Variants in TASOR2 observed in about 807,000 individuals in gnomAD.
TASOR2 encodes the protein protein TASOR 2.
TASOR2 carries 84 observed loss-of-function variants against 199.5 expected under a neutral mutation model. That is an observed-to-expected ratio of 0.42 (90% confidence interval 0.35 to 0.50). TASOR2 has a LOEUF of 0.50. TASOR2 is among the 20% of genes least tolerant of loss of function. TASOR2 has a pLI of 0.02. For missense variants in TASOR2, 2,796 were observed against 2,835.9 expected (o/e 0.99, Z 0.32); for synonymous variants, 1,103 against 1,046.6 (o/e 1.05, Z -1.04).
chr10:5,725,441 C>T (rs888466839), intron 8 of TASOR2, among the ~76,000 whole-genome samples: 1 of 139,748 alleles, frequency 7.2e-6, no homozygotes, highest in Non-Finnish European at 1.5e-5. Context: ...ACATACTGGG[C>T]AGGAGGGGCA....
exon 15 of TASOR2, chr10:5,749,866 C>T: frequency 6.2e-7 from 1 of 1,614,180 alleles, no homozygotes; most frequent in Non-Finnish European, 8.5e-7. Flanking sequence ...AGAGATGTAT[C>T]TGCCTTTCCC....
At position 5,722,275 on chromosome 10, in the gene TASOR2, C is replaced by T. The variant is rs569554240; in HGVS notation, c.146+1305C>T. Among the ~76,000 whole-genome samples, 15 of 151,820 alleles carry T rather than the reference C, an allele frequency of 9.9e-5. No individual in the cohort carries two copies. The South Asian group carries it at 2.9e-3, about 29-fold the overall frequency. On this transcript the variant is annotated intron_variant, in intron 6 of 20. Transcript: ENST00000328090. The surrounding 1 kb of genome is among the most constrained non-coding windows in gnomAD (Gnocchi z 4.0). ...TTTGAGACCAACCTGGGCAACATGG[C>T]GAAACCCTCTCCCTAATAAAAATAC... is the stretch of plus-strand genomic sequence containing the variant.
chr10:5,750,503 T>A lies in TASOR2; in HGVS notation c.6606+476T>A, dbSNP rs1837884886. The stretch of plus-strand genomic sequence containing the variant: ...TTAAGTAATGGAACCATGGTGAAAT[T>A]CTGGCATGGGCGGAGCCTGTCTTGA... On this transcript the variant is annotated intron_variant, in intron 15 of 20. Coordinates refer to ENST00000328090, the Ensembl canonical transcript of TASOR2. The surrounding 1 kb of genome is among the most constrained non-coding windows in gnomAD (Gnocchi z 5.4). Among the ~76,000 whole-genome samples, 1 of 152,232 alleles carries A rather than the reference T, an allele frequency of 6.6e-6. No individual in the cohort carries two copies. Among genetic ancestry groups the A allele is most frequent in the South Asian group, 2.1e-4 (1 of 4,828 alleles).
At chr10:5,747,423 C>T (rs997544469) in exon 15 of TASOR2, 1 of 1,614,134 alleles carries the variant, frequency 6.2e-7, no homozygotes. Context: ...TCACAGAAAG[C>T]AGAGAAGTGA....
At chr10:5,746,145 T>G in intron 14 of TASOR2, 34 bp from the exon 16 acceptor site, 1 of 1,296,754 alleles carries the variant, frequency 7.7e-7, no homozygotes, top group East Asian at 2.5e-5. Context: ...TTTATATGAC[T>G]GATTTTTTTT....
exon 15 of TASOR2, chr10:5,749,796 C>T: frequency 3.1e-6 from 5 of 1,614,048 alleles, no homozygotes; most frequent in Non-Finnish European, 4.2e-6. Context: ...TGAAGAATAG[C>T]AACCAATTCA....
In TASOR2 at chr10:5,697,631, A is replaced by G. The variant is rs187377250; in HGVS notation, c.-288+12456A>G. Among the ~76,000 whole-genome samples, 177 of 152,312 alleles carry G rather than the reference A, an allele frequency of 1.2e-3. 1 individual carries two copies. Among genetic ancestry groups the G allele is most frequent in the African/African-American group, 3.9e-3 (164 of 41,564 alleles). On this transcript the variant is annotated intron_variant, in intron 1 of 20. Transcript: ENST00000328090. ...CTCTAAGAGGCAAGCAGAGCTGGCAATAAAGGCCCTCCTGAACCAGATTAC... is the reference window on the plus strand; with the variant it reads ...CTCTAAGAGGCAAGCAGAGCTGGCAGTAAAGGCCCTCCTGAACCAGATTAC...
At chr10:5,686,075 T>C (rs1835779174) in intron 1 of TASOR2, among the ~76,000 whole-genome samples, 1 of 152,160 alleles carries the variant, frequency 6.6e-6, no homozygotes, top group African/African-American at 2.4e-5. Flanking sequence ...AGAATACCCT[T>C]CTGTCGAAAA....
chr10:5,715,979 A>C (rs1287435524), intron 2 of TASOR2, among the ~76,000 whole-genome samples: 1 of 152,162 alleles, frequency 6.6e-6, no homozygotes, highest in African/African-American at 2.4e-5. Flanking sequence ...GAGCGTACTT[A>C]GAGACACCTA....
At chr10:5,760,369 T>G (rs577416658) in intron 18 of TASOR2, among the ~76,000 whole-genome samples, 1 of 152,338 alleles carries the variant, frequency 6.6e-6, no homozygotes, top group South Asian at 2.1e-4. Flanking sequence ...ATTATACCAC[T>G]CTGGCATTAT....
At chr10:5,728,922 T>TA (rs1271452560) in intron 10 of TASOR2, among the ~76,000 whole-genome samples, 2 of 151,662 alleles carry the variant, frequency 1.3e-5, no homozygotes, top group African/African-American at 4.9e-5. Flanking sequence ...TTATTTTATT[T>TA]TTGTTTTTTA....
At position 5,719,004 on chromosome 10, in the gene TASOR2, G is replaced by A. The variant is rs1336056497; in HGVS notation, c.-100+1254G>A. On this transcript the variant is annotated intron_variant, in intron 3 of 20. Coordinates refer to ENST00000328090, the Ensembl canonical transcript of TASOR2. The surrounding 1 kb of genome is among the most constrained non-coding windows in gnomAD (Gnocchi z 4.1). ...AATCTTCATTTTATTTCACAAAATC[G>A]AGCCGCACCCAGAACCATAAAATGT... 6.6e-6 allele frequency among the ~76,000 whole-genome samples: 1 copy of A among 151,900 alleles called. No individual in the cohort carries two copies. Among genetic ancestry groups the A allele is most frequent in the Non-Finnish European group, 1.5e-5 (1 of 67,984 alleles).
In TASOR2 at chr10:5,719,293, C is replaced by A. The variant is rs1031331986; in HGVS notation, c.-99-1251C>A. On this transcript the variant is annotated intron_variant, in intron 3 of 20. Coordinates refer to ENST00000328090, the Ensembl canonical transcript of TASOR2. The surrounding 1 kb of genome is among the most constrained non-coding windows in gnomAD (Gnocchi z 4.1). ...TATTATTCAAAACAGCTTTTAAAATCATTGCATATTTCATCATAATGGTAA... is the reference window on the plus strand; with the variant it reads ...TATTATTCAAAACAGCTTTTAAAATAATTGCATATTTCATCATAATGGTAA... Among the ~76,000 whole-genome samples the A allele has an allele frequency of 6.6e-6, 1 of 152,086 alleles. No homozygotes were observed. Among genetic ancestry groups the A allele is most frequent in the Non-Finnish European group, 1.5e-5 (1 of 68,024 alleles).
In TASOR2 at chr10:5,699,214, C is replaced by T. The variant is rs916956481; in HGVS notation, c.-287-13609C>T. ...TCAAAAACAGGCTAAGTGAAAGAAG[C>T]CAATCATGAAGGACCGCGTGCTGTA... On this transcript the variant is annotated intron_variant, in intron 1 of 20. Coordinates refer to ENST00000328090, the Ensembl canonical transcript of TASOR2. This position sits in a 1 kb window ranked among gnomAD's most constrained non-coding sequence, Gnocchi z 4.1. 1.3e-5 allele frequency among the ~76,000 whole-genome samples: 2 copies of T among 152,016 alleles called. No individual in the cohort carries two copies. The highest frequency in any genetic ancestry group is 4.8e-5 in the African/African-American group (2 of 41,398).
intron 1 of TASOR2, among the ~76,000 whole-genome samples, chr10:5,693,642 C>A (rs542432484): frequency 1.3e-5 from 2 of 152,318 alleles, no homozygotes; most frequent in South Asian, 4.1e-4. Flanking sequence ...GAGGGGGGAA[C>A]CCCCACAAAA....
At chr10:5,741,632 C>T (rs1417052139) in intron 13 of TASOR2, among the ~76,000 whole-genome samples, 3 of 152,102 alleles carry the variant, frequency 2.0e-5, no homozygotes, top group African/African-American at 4.8e-5. Flanking sequence ...TGTTGAATTG[C>T]CCAGAGAGAT....
At chr10:5,712,466 T>G (rs1832049174) in intron 1 of TASOR2, 3 of 1,231,718 alleles carry the variant, frequency 2.4e-6, no homozygotes, top group Non-Finnish European at 3.0e-6. Flanking sequence ...ACTTCTTACT[T>G]GGACTCTTCA....
chr10:5,697,475 C>T (rs1450907970), intron 1 of TASOR2, among the ~76,000 whole-genome samples: 1 of 152,094 alleles, frequency 6.6e-6, no homozygotes, highest in Non-Finnish European at 1.5e-5. Flanking sequence ...GACTGAGGAG[C>T]CATATGGTAT....
At chr10:5,746,239 A>T in exon 15 of TASOR2, 1 of 1,612,588 alleles carries the variant, frequency 6.2e-7, no homozygotes, top group Non-Finnish European at 8.5e-7. Flanking sequence ...GCTTTCGGGT[A>T]TTGGAAGTAC....
Sources: gnomAD v4.1 joint callset for allele counts (sites outside exome capture counted in the v4.1 genomes callset) on GRCh38, gnomAD v4.1.1 for gene constraint, Gnocchi (gnomAD v3.1) non-coding constraint, MANE v1.5 for transcripts, NCBI Gene and HGNC (gene_info 2026-07-23, HGNC 2026-07-21) for gene names.